USH2A: variants seen among roughly 807,000 people sequenced by gnomAD.
The protein encoded by USH2A is usherin, also known as Usher syndrome 2A (autosomal recessive, mild).
Under a neutral mutation model 538.9 loss-of-function variants are expected in USH2A, and 443 were observed. The observed-to-expected ratio is 0.82, with a 90% CI of 0.76 to 0.89. USH2A has a LOEUF of 0.89. Among genes scored for constraint, USH2A ranks in the 40% least tolerant of loss-of-function variants. The pLI is 0.00. For synonymous variants in USH2A, 2,413 were observed against 2,273.5 expected, an observed-to-expected ratio of 1.06 and a Z score of -1.75; for missense variants, 6,633 against 6,324.8, an observed-to-expected ratio of 1.05 and a Z score of -1.65.
intron 39 of USH2A, 38 bp downstream of exon 39, chr1:215,900,717 T>C: frequency 6.2e-7 from 1 of 1,613,188 alleles, no homozygotes; most frequent in South Asian, 1.1e-5. Flanking sequence ...CTATATTGTA[T>C]AACCCAGCTG....
intron 4 of USH2A, among the ~76,000 whole-genome samples, chr1:216,332,588 C>A (rs532366983): frequency 6.6e-6 from 1 of 152,208 alleles, no homozygotes; most frequent in African/African-American, 2.4e-5. Flanking sequence ...GAAGTGGGGA[C>A]TAAAGGAGAG....
chr1:215,774,989 C>A (rs1041605611), intron 55 of USH2A, among the ~76,000 whole-genome samples: 1 of 149,780 alleles, frequency 6.7e-6, no homozygotes, highest in Non-Finnish European at 1.5e-5. Context: ...AAATTCTTAT[C>A]TCTATTTTCA....
intron 35 of USH2A, among the ~76,000 whole-genome samples, chr1:215,972,079 C>T (rs983304020): frequency 6.6e-6 from 1 of 152,178 alleles, no homozygotes; most frequent in African/African-American, 2.4e-5. Flanking sequence ...TACACATCCA[C>T]GCTTCTATAG....
At chr1:216,046,638 T>G in intron 31 of USH2A, 46 bp from the exon 32 acceptor site, 1 of 1,609,422 alleles carries the variant, frequency 6.2e-7, no homozygotes, top group African/African-American at 1.3e-5. Context: ...TTTACTTTTC[T>G]AATTCAAACT....
At chr1:216,359,669 T>G (rs975860030) in intron 4 of USH2A, among the ~76,000 whole-genome samples, 7 of 152,144 alleles carry the variant, frequency 4.6e-5, no homozygotes, top group African/African-American at 1.7e-4. Context: ...GAGATATTTA[T>G]GGCATGTCCA....
intron 21 of USH2A, among the ~76,000 whole-genome samples, chr1:216,157,090 T>A (rs1408272966): frequency 6.6e-6 from 1 of 152,150 alleles, no homozygotes; most frequent in Admixed American, 6.5e-5. Context: ...ACCAGGATGG[T>A]CTCGATCTCT....
rs1660885021 is a variant in USH2A, at chr1:215,758,639, G to C, written c.11345C>G (p.Thr3782Arg). 6.2e-7 allele frequency: 1 copy of C among 1,613,224 alleles called. No individual in the cohort carries two copies. Among genetic ancestry groups the C allele is most frequent in the East Asian group, 2.2e-5 (1 of 44,816 alleles). The change falls in exon 58 of 72, where the codon ACA (threonine) becomes AGA (arginine). Residue 3782 changes from threonine to arginine, a missense_variant. Physicochemically the swap from Thr to Arg is moderately conservative, Grantham distance 71. Coordinates refer to ENST00000307340, the MANE Select transcript of USH2A (RefSeq NM_206933.4). Reference sequence around the variant, plus strand: ...AAATATAGAATAAGGCCCAATTACTGTGATATTATATGGAGGATAGATTTC... The same window carrying C: ...AAATATAGAATAAGGCCCAATTACTCTGATATTATATGGAGGATAGATTTC... ...PEEIYPPYNI[T>R]VIGPYSIFVA...
Position 216,104,077 on chromosome 1 carries a change from T to A in USH2A, c.4628-6864A>T, listed in dbSNP as rs560566969. Among the ~76,000 whole-genome samples, 2 of 152,278 alleles carry A rather than the reference T, an allele frequency of 1.3e-5. 1 individual carries two copies. Among genetic ancestry groups the A allele is most frequent in the African/African-American group, 4.8e-5 (2 of 41,548 alleles). On this transcript the variant is annotated intron_variant, in intron 21 of 71. Coordinates refer to ENST00000307340, the MANE Select transcript of USH2A (RefSeq NM_206933.4). ...TTTTAATTTAAAGTTTTGATTCTTT[T>A]TTTTTATACTTTAAGTTTTAGGGTA... is the stretch of plus-strand genomic sequence containing the variant.
chr1:215,811,953 C>CA (rs1034671304), intron 49 of USH2A, among the ~76,000 whole-genome samples: 1 of 142,160 alleles, frequency 7.0e-6, no homozygotes, highest in Non-Finnish European at 1.5e-5. Context: ...CAAAAACAAA[C>CA]AAAAAACCAA....
At chr1:215,789,063 G>T (rs1447757879) in intron 51 of USH2A, among the ~76,000 whole-genome samples, 1 of 152,140 alleles carries the variant, frequency 6.6e-6, no homozygotes, top group Non-Finnish European at 1.5e-5. Context: ...TTCCAGACTG[G>T]AACAGGATAT....
chr1:215,873,654 T>A (rs1041347514), intron 43 of USH2A, among the ~76,000 whole-genome samples: 2 of 152,144 alleles, frequency 1.3e-5, no homozygotes, highest in Non-Finnish European at 2.9e-5. Flanking sequence ...TTATGATATA[T>A]TTAGCTTAAG....
chr1:216,096,210 C>T (rs1394221447), intron 22 of USH2A, among the ~76,000 whole-genome samples: 1 of 152,134 alleles, frequency 6.6e-6, no homozygotes, highest in Non-Finnish European at 1.5e-5. Context: ...TTCAATCTAC[C>T]ACCTTTCCCT....
intron 30 of USH2A, among the ~76,000 whole-genome samples, chr1:216,053,453 T>G (rs1441630758): frequency 7.5e-6 from 1 of 132,800 alleles, no homozygotes; most frequent in African/African-American, 2.8e-5. Flanking sequence ...CCCAGAGAAG[T>G]CTTTTTTTTT....
rs530933361 is a variant in USH2A at position 215,730,441 on chromosome 1, A to C, written c.11712-2057T>G. Among the ~76,000 whole-genome samples, 9 of 152,304 alleles carry C rather than the reference A, an allele frequency of 5.9e-5. 1 individual carries two copies. In the South Asian group the frequency reaches 1.9e-3, roughly 32 times the overall value. ...GGTTGGGAGAGAATGTAACCAAGACATTGACCCTCCTCTTTCAGCTCTCTC... is the reference window on the plus strand; with the variant it reads ...GGTTGGGAGAGAATGTAACCAAGACCTTGACCCTCCTCTTTCAGCTCTCTC... On this transcript the variant is annotated intron_variant, in intron 60 of 71. Transcript: ENST00000307340.
intron 32 of USH2A, among the ~76,000 whole-genome samples, chr1:216,016,947 C>G (rs967638502): frequency 6.6e-6 from 1 of 152,020 alleles, no homozygotes; most frequent in Non-Finnish European, 1.5e-5. Flanking sequence ...TCATTTCCCT[C>G]TTTTCTTCTG....
chr1:215,830,338 G>A (rs971700010), intron 47 of USH2A, among the ~76,000 whole-genome samples: 10 of 152,162 alleles, frequency 6.6e-5, no homozygotes, highest in Admixed American at 2.0e-4. Flanking sequence ...GCTGCACTGC[G>A]GCAGCTGTGG....
At chr1:216,352,541 C>T (rs1003445758) in intron 4 of USH2A, among the ~76,000 whole-genome samples, 1 of 152,072 alleles carries the variant, frequency 6.6e-6, no homozygotes, top group African/African-American at 2.4e-5. Context: ...GAATTAAAGG[C>T]TCCTATGGTT....
intron 20 of USH2A, 52 bp downstream of exon 20, chr1:216,190,170 GT>G (rs1217860455): frequency 1.9e-5 from 30 of 1,605,826 alleles, no homozygotes; most frequent in East Asian, 1.4e-4. Flanking sequence ...AATATTATAA[GT>G]TTTTTTTCTT....
At chr1:216,208,071 C>G (rs539649208) in intron 15 of USH2A, among the ~76,000 whole-genome samples, 4 of 152,264 alleles carry the variant, frequency 2.6e-5, no homozygotes, top group African/African-American at 9.6e-5. Context: ...GAACATTCAT[C>G]TCACTACTTA....
Sources: gnomAD v4.1 joint callset for allele counts (sites outside exome capture counted in the v4.1 genomes callset) on GRCh38, gnomAD v4.1.1 for gene constraint, MANE v1.5 for transcripts, NCBI Gene and HGNC (gene_info 2026-07-23, HGNC 2026-07-21) for gene names.